MRAS: variants seen among roughly 807,000 people sequenced by gnomAD.
The protein encoded by MRAS is ras-related protein M-Ras.
MRAS carries 4 observed loss-of-function variants against 20.9 expected under a neutral mutation model. That is an observed-to-expected ratio of 0.19 (90% CI 0.09 to 0.44). The LOEUF (loss-of-function observed/expected upper bound fraction) is 0.44, where lower values mean the gene tolerates loss of function less well. MRAS is among the 20% of genes least tolerant of loss of function. The probability of loss-of-function intolerance (pLI) is 0.99; values close to 1 mark genes in which losing one functional copy is unlikely to be tolerated. For missense variants in MRAS, 154 were observed against 277.5 expected, an observed-to-expected ratio of 0.56 and a Z score of 3.16; for synonymous variants, 98 against 102.9, an observed-to-expected ratio of 0.95 and a Z score of 0.29.
At chr3:138,392,343 G>A (rs972587876) in intron 2 of MRAS, among the ~76,000 whole-genome samples, 15 of 152,092 alleles carry the variant, frequency 9.9e-5, no homozygotes, top group African/African-American at 3.6e-4. Flanking sequence ...AAAGTACTGG[G>A]ATTACAGGGA....
intron 2 of MRAS, among the ~76,000 whole-genome samples, chr3:138,383,368 C>CT (rs1355142601): frequency 1.4e-4 from 21 of 152,244 alleles, no homozygotes; most frequent in African/African-American, 4.8e-4. Flanking sequence ...TCTCACCGTG[C>CT]CACCCAGGCT....
At chr3:138,382,114 C>G (rs1286353340) in intron 2 of MRAS, among the ~76,000 whole-genome samples, 2 of 152,228 alleles carry the variant, frequency 1.3e-5, no homozygotes, top group African/African-American at 2.4e-5. Context: ...TTCCCTCTTT[C>G]CCTTCATAGG....
At chr3:138,392,346 T>G (rs2055149668) in intron 2 of MRAS, among the ~76,000 whole-genome samples, 1 of 152,176 alleles carries the variant, frequency 6.6e-6, no homozygotes, top group Admixed American at 6.5e-5. Flanking sequence ...GTACTGGGAT[T>G]ACAGGGATGA....
At chr3:138,393,672 T>G (rs2055174321) in intron 2 of MRAS, among the ~76,000 whole-genome samples, 1 of 137,798 alleles carries the variant, frequency 7.3e-6, no homozygotes, top group South Asian at 2.4e-4. Flanking sequence ...ATTACGATAT[T>G]GCCTTAATGT....
In MRAS at chr3:138,372,895, C is replaced by T. The variant is rs35056274; in HGVS notation, c.12C>T (p.Ser4=). MAT[S]AVPSDNLPTY... is the part of the protein sequence containing the mutation. ...GACCTACGAGAAACATGGCAACCAG[C>T]GCCGTCCCCAGTGACAACCTCCCCA... is the stretch of plus-strand genomic sequence containing the variant. Residue 4 remains serine (S), a synonymous_variant, in exon 2 of 6, where the codon AGC becomes AGT. Transcript: ENST00000423968. The T allele has an allele frequency of 2.2e-5, 34 of 1,542,940 alleles. No homozygotes were observed. The African/African-American group carries it at 4.4e-4, about 20-fold the overall frequency.
chr3:138,358,313 G>A (rs901268659), intron 1 of MRAS, among the ~76,000 whole-genome samples: 3 of 144,080 alleles, frequency 2.1e-5, no homozygotes, highest in Non-Finnish European at 3.0e-5. Context: ...CTCCAGCCTG[G>A]GCGACAGAAC....
chr3:138,396,945 A>G (rs2055250014), intron 2 of MRAS, among the ~76,000 whole-genome samples: 1 of 152,138 alleles, frequency 6.6e-6, no homozygotes, highest in African/African-American at 2.4e-5. Flanking sequence ...AAAGAGTCAC[A>G]GTTTGTAGGC....
At chr3:138,374,497 T>C (rs540564838) in intron 2 of MRAS, among the ~76,000 whole-genome samples, 2 of 152,352 alleles carry the variant, frequency 1.3e-5, no homozygotes, top group East Asian at 1.9e-4. Flanking sequence ...TGCTGGATTT[T>C]TCTGAATAGA....
intron 2 of MRAS, among the ~76,000 whole-genome samples, chr3:138,380,824 C>CA (rs1411566284): frequency 6.6e-6 from 1 of 151,268 alleles, no homozygotes; most frequent in Non-Finnish European, 1.5e-5. Context: ...GGCTGGAGTG[C>CA]AGTGGTGTGA....
chr3:138,366,162 C>G (rs1418932083), intron 1 of MRAS, among the ~76,000 whole-genome samples: 1 of 152,190 alleles, frequency 6.6e-6, no homozygotes, highest in Non-Finnish European at 1.5e-5. Context: ...GTGAAGCTGC[C>G]CATTTCTGGG....
chr3:138,375,366 G>T (rs990985314), intron 2 of MRAS, among the ~76,000 whole-genome samples: 1 of 152,114 alleles, frequency 6.6e-6, no homozygotes, highest in Non-Finnish European at 1.5e-5. Context: ...GTCTAATTTT[G>T]GTATCAGAGT....
intron 2 of MRAS, among the ~76,000 whole-genome samples, chr3:138,373,415 G>A (rs1324127128): frequency 6.6e-6 from 1 of 152,204 alleles, no homozygotes; most frequent in Non-Finnish European, 1.5e-5. Flanking sequence ...AAAGCAAGTT[G>A]TTTCTTAATG....
chr3:138,388,877 C>G (rs1286723872), intron 2 of MRAS, among the ~76,000 whole-genome samples: 1 of 151,650 alleles, frequency 6.6e-6, no homozygotes, highest in African/African-American at 2.4e-5. Context: ...GTTTCACTCT[C>G]GTTGCCCAGG....
At chr3:138,366,716 A>G (rs540210959) in intron 1 of MRAS, among the ~76,000 whole-genome samples, 3 of 152,236 alleles carry the variant, frequency 2.0e-5, no homozygotes, top group Non-Finnish European at 2.9e-5. Flanking sequence ...TGACAGTTCT[A>G]ACATGACCCT....
At chr3:138,394,959 G>C (rs960304964) in intron 2 of MRAS, among the ~76,000 whole-genome samples, 17 of 152,198 alleles carry the variant, frequency 1.1e-4, no homozygotes, top group African/African-American at 3.9e-4. Flanking sequence ...CCTGCTTCCA[G>C]TCTTGCTCTG....
intron 1 of MRAS, among the ~76,000 whole-genome samples, chr3:138,362,875 G>A (rs186818919): frequency 2.0e-5 from 3 of 152,072 alleles, no homozygotes; most frequent in East Asian, 3.9e-4. Flanking sequence ...TCTTACCCCC[G>A]ACACCCATCG....
chr3:138,348,279 G>C (rs1576329578), upstream of MRAS: 1 of 152,236 alleles, frequency 6.6e-6, no homozygotes, highest in Non-Finnish European at 1.5e-5. Context: ...ATTCCCACTC[G>C]GCGTCCACCT....
At chr3:138,385,882 G>A (rs1008966168) in intron 2 of MRAS, among the ~76,000 whole-genome samples, 1 of 152,154 alleles carries the variant, frequency 6.6e-6, no homozygotes, top group African/African-American at 2.4e-5. Context: ...TAAACCAATA[G>A]AGAATAGGAT....
At chr3:138,370,276 G>A (rs1290369260) in intron 1 of MRAS, among the ~76,000 whole-genome samples, 1 of 152,192 alleles carries the variant, frequency 6.6e-6, no homozygotes, top group Admixed American at 6.5e-5. Flanking sequence ...CTGAGACCAC[G>A]CTACTGCACT....
Sources: allele counts gnomAD v4.1 joint callset (sites outside exome capture counted in the v4.1 genomes callset), GRCh38; gene constraint gnomAD v4.1.1; transcripts MANE v1.5; gene names NCBI Gene and HGNC (gene_info 2026-07-23, HGNC 2026-07-21).